Variants in IL17RA observed in about 807,000 individuals in gnomAD.
IL17RA encodes the protein interleukin-17 receptor A.
A neutral mutation model predicts 50.4 loss-of-function variants in IL17RA; 34 were observed. The ratio of observed to expected loss-of-function variants is 0.67; its 90% CI spans 0.51 to 0.90. The LOEUF (loss-of-function observed/expected upper bound fraction) is 0.90. IL17RA is among the 40% of genes least tolerant of loss of function. IL17RA has a pLI of 0.00. For synonymous variants in IL17RA, 585 were observed against 510.4 expected, an observed-to-expected ratio of 1.15 and a Z score of -1.97; for missense variants, 1,276 against 1,169.8, an observed-to-expected ratio of 1.09 and a Z score of -1.32.
At chr22:17,100,566 C>A in intron 5 of IL17RA, 85 bp downstream of exon 5, 1 of 1,532,468 alleles carries the variant, frequency 6.5e-7, no homozygotes, top group Non-Finnish European at 9.0e-7. Flanking sequence ...AGCCCCCCTG[C>A]TCAGCAAGAC....
intron 11 of IL17RA, among the ~76,000 whole-genome samples, chr22:17,107,212 G>C (rs1043173611): frequency 6.6e-6 from 1 of 152,204 alleles, no homozygotes; most frequent in African/African-American, 2.4e-5. Context: ...GGAAAGAAGT[G>C]TGGTAAGATG....
chr22:17,091,819 G>A (rs191470100), intron 1 of IL17RA, among the ~76,000 whole-genome samples: 20 of 152,072 alleles, frequency 1.3e-4, no homozygotes, highest in Admixed American at 1.2e-3. Flanking sequence ...CTGGGTCTTC[G>A]TTGTTGTTTT....
chr22:17,106,716 G>A (rs1372772300), intron 11 of IL17RA, among the ~76,000 whole-genome samples: 1 of 152,134 alleles, frequency 6.6e-6, no homozygotes, highest in Non-Finnish European at 1.5e-5. Context: ...GTCAGGATTA[G>A]GTGTTAATCA....
At chr22:17,094,695 A>ATATATATATATATGTG (rs1568917543) in intron 1 of IL17RA, among the ~76,000 whole-genome samples, 11 of 49,762 alleles carry the variant, frequency 2.2e-4, no homozygotes, top group Non-Finnish European at 3.5e-4. Flanking sequence ...CTCTCTCTAT[A>ATATATATATATATGTG]TATATATATA....
intron 9 of IL17RA, 57 bp from the exon 10 acceptor site, chr22:17,105,534 G>A (rs1355399005): frequency 1.3e-6 from 2 of 1,564,322 alleles, no homozygotes; most frequent in Non-Finnish European, 1.8e-6. Flanking sequence ...TGTTTCTTGT[G>A]ATGACTGGGA....
Position 17,113,006 on chromosome 22 carries a change from T to A in IL17RA, c.*3186T>A, listed in dbSNP as rs1433880732. 1 of 151,812 alleles carries A rather than the reference T, an allele frequency of 6.6e-6. No homozygotes were observed. Among genetic ancestry groups the A allele is most frequent in the East Asian group, 1.9e-4 (1 of 5,184 alleles). 9.4% of individuals were successfully genotyped at this position (151,812 alleles called of 1,614,324 possible). On this transcript the variant is annotated 3_prime_UTR_variant, in exon 13 of 13. Transcript: ENST00000319363. ...TGATCCTAGTTTTTTTTTTGTTTTT[T>A]TTTTTTTTAAGGAATAATTACTTTG...
At chr22:17,100,047 T>C (rs1293879863) in intron 4 of IL17RA, among the ~76,000 whole-genome samples, 1 of 151,138 alleles carries the variant, frequency 6.6e-6, no homozygotes, top group East Asian at 2.0e-4. Flanking sequence ...TGTCCTAGAA[T>C]TTGAGAGGGC....
chr22:17,094,691 C>CTCTCTCTCTCTATATA (rs1448096911), intron 1 of IL17RA, among the ~76,000 whole-genome samples: 11 of 24,696 alleles, frequency 4.5e-4, no homozygotes, highest in Non-Finnish European at 6.0e-4. Context: ...CTCTCTCTCT[C>CTCTCTCTCTCTATATA]TATATATATA....
At chr22:17,100,181 G>T (rs1354178270) in intron 4 of IL17RA, among the ~76,000 whole-genome samples, 174 bp from the exon 5 acceptor site, 2 of 149,642 alleles carry the variant, frequency 1.3e-5, no homozygotes, top group African/African-American at 2.4e-5. Context: ...AGGACCAGAG[G>T]AAACAAAAAA....
chr22:17,097,668 G>T lies in IL17RA; in HGVS notation c.164-129G>T, dbSNP rs41512644. The T allele has an allele frequency of 5.4e-3, 5,959 of 1,096,510 alleles. 29 individuals carry two copies. Among genetic ancestry groups the T allele is most frequent in the Non-Finnish European group, 6.3e-3 (4,689 of 738,814 alleles). 67.9% of individuals were successfully genotyped at this position (1,096,510 alleles called of 1,614,324 possible). A position where few individuals can be genotyped will look rare whatever the true frequency, so the allele number is the denominator to read the frequency against. On this transcript the variant is annotated intron_variant, in intron 2 of 12. Transcript: ENST00000319363. ...GCAGGGCAGTAAAGCTGAGGACGCG[G>T]CCAAGGGCCACAGGCTGGAAGGCCG...
At chr22:17,096,493 C>A (rs1262789670) in intron 1 of IL17RA, among the ~76,000 whole-genome samples, 1 of 152,136 alleles carries the variant, frequency 6.6e-6, no homozygotes, top group Non-Finnish European at 1.5e-5. Context: ...GATGAAGGGG[C>A]CCTTTTCTCA....
intron 1 of IL17RA, among the ~76,000 whole-genome samples, chr22:17,089,015 C>T (rs2061338452): frequency 6.6e-6 from 1 of 151,654 alleles, no homozygotes; most frequent in African/African-American, 2.4e-5. Context: ...AGGCTGGTCT[C>T]GAATTCCTGA....
chr22:17,098,733 C>T, intron 3 of IL17RA, 42 bp from the exon 4 acceptor site: 8 of 1,530,076 alleles, frequency 5.2e-6, no homozygotes, highest in Non-Finnish European at 7.2e-6. Context: ...CTTGTCTTGG[C>T]TGATCTGCAT....
intron 7 of IL17RA, 26 bp downstream of exon 7, chr22:17,102,328 T>TAGAATAGCTCAGGACCACCCCTCC: frequency 6.2e-7 from 1 of 1,613,128 alleles, no homozygotes; most frequent in Non-Finnish European, 8.5e-7. Context: ...TTGACCCCTC[T>TAGAATAGCTCAGGACCACCCCTCC]AGCATAGCTC....
rs2061426766 is a variant in IL17RA, at chr22:17,108,945, G to T, written c.1726G>T (p.Asp576Tyr). The T allele has an allele frequency of 1.2e-6, 2 of 1,609,414 alleles. No homozygotes were observed. Among genetic ancestry groups the T allele is most frequent in the African/African-American group, 1.3e-5 (1 of 75,020 alleles). ...QLRAALDRFR[D>Y]WQVRCPDWFE... ...CCGCGCCGCCCTGGACAGGTTCCGG[G>T]ACTGGCAGGTCCGCTGTCCCGACTG... Residue 576 changes from aspartate (D) to tyrosine (Y), a missense_variant, in exon 13 of 13, where the codon GAC (aspartate) becomes TAC (tyrosine). By Grantham distance (160) the Asp-to-Tyr change is radical. Coordinates refer to ENST00000319363, the MANE Select transcript of IL17RA (RefSeq NM_014339.7).
intron 4 of IL17RA, among the ~76,000 whole-genome samples, chr22:17,099,867 T>C (rs2061383446): frequency 6.6e-6 from 1 of 151,596 alleles, no homozygotes. Flanking sequence ...CCAGGGTGAG[T>C]GGGGGTCTCT....
chr22:17,109,921 T>C lies in IL17RA; in HGVS notation c.*101T>C. 1 of 1,132,718 alleles carries C rather than the reference T, an allele frequency of 8.8e-7. No individual in the cohort carries two copies. The highest frequency in any genetic ancestry group is 1.4e-5 in the South Asian group (1 of 70,678). 70.2% of individuals were successfully genotyped at this position (1,132,718 alleles called of 1,614,324 possible). ...ATGTCTGCATGTGTATATGTTCGTG[T>C]GTGAAATGTAGGCTTTAAAATGTAA... On this transcript the variant is annotated 3_prime_UTR_variant, in exon 13 of 13. Coordinates refer to ENST00000319363, the MANE Select transcript of IL17RA (RefSeq NM_014339.7).
intron 1 of IL17RA, among the ~76,000 whole-genome samples, chr22:17,094,675 C>CTATATATATATATATG (rs1568917420): frequency 2.0e-5 from 1 of 49,336 alleles, no homozygotes; most frequent in African/African-American, 1.0e-4. Context: ...CTCTCTCTCT[C>CTATATATATATATATG]TCTCTCTCTC....
At position 17,109,171 on chromosome 22, in the gene IL17RA, A is replaced by C. The variant is rs2061428420; in HGVS notation, c.1952A>C (p.Glu651Ala). The part of the protein sequence containing the change: ...EEGGAAVAKL[E>A]PHLQPRGQPA... ...GGAGGAGCAGCAGTGGCAAAGCTGG[A>C]ACCTCACCTGCAGCCCCGGGGTCAG... Residue 651 changes from glutamate to alanine, a missense_variant, in exon 13 of 13, where the codon GAA (glutamate) becomes GCA (alanine). Transcript: ENST00000319363. 4 of 1,529,178 alleles carry C rather than the reference A, an allele frequency of 2.6e-6. No homozygotes were observed. In the African/African-American group the frequency reaches 5.5e-5, roughly 21 times the overall value. 94.7% of individuals were successfully genotyped at this position (1,529,178 alleles called of 1,614,324 possible). A position where few individuals can be genotyped will look rare whatever the true frequency, so the allele number is the denominator to read the frequency against.
Sources: allele counts gnomAD v4.1 joint callset (sites outside exome capture counted in the v4.1 genomes callset), GRCh38; gene constraint gnomAD v4.1.1; transcripts MANE v1.5; gene names NCBI Gene and HGNC (gene_info 2026-07-23, HGNC 2026-07-21).